Variants in CD2AP observed in about 807,000 individuals in gnomAD.
CD2AP encodes the protein CD2 associated protein.
CD2AP carries 46 observed loss-of-function variants against 85.1 expected under a neutral mutation model. The observed-to-expected ratio is 0.54, with a 90% CI of 0.43 to 0.69. CD2AP has a LOEUF of 0.69. Ranked by LOEUF, CD2AP falls within the 30% of genes least tolerant of loss-of-function variation. The pLI is 0.00. For synonymous variants in CD2AP, 255 were observed against 252.9 expected (o/e 1.01, Z -0.08); for missense variants, 769 against 729.5 (o/e 1.05, Z -0.62).
intron 5 of CD2AP, among the ~76,000 whole-genome samples, chr6:47,567,228 C>T (rs750716552): frequency 6.6e-6 from 1 of 151,902 alleles, no homozygotes; most frequent in Non-Finnish European, 1.5e-5. Flanking sequence ...TTTTCATGTA[C>T]GTTCAGCTCT....
In CD2AP at chr6:47,574,091, C is replaced by T. The variant is rs774852008; in HGVS notation, c.569C>T (p.Pro190Leu). 2 of 1,614,030 alleles carry T rather than the reference C, an allele frequency of 1.2e-6. No individual in the cohort carries two copies. The highest frequency in any genetic ancestry group is 1.7e-6 in the Non-Finnish European group (2 of 1,179,948). ...ACTGTTTTGGCTGGGCCTACTTCAC[C>T]TATACCTTCTCTGGGAAATGTGAGT... is the stretch of plus-strand genomic sequence containing the variant. Reference protein sequence around the residue: ...SETVLAGPTSPIPSLGNVSET... With the variant: ...SETVLAGPTSLIPSLGNVSET... The change falls in exon 6 of 18, where the codon CCT (proline) becomes CTT (leucine). Residue 190 changes from proline (P) to leucine (L), a missense_variant. Pro to Leu is a moderately conservative substitution (Grantham distance 98, BLOSUM62 -3). Coordinates refer to ENST00000359314, the MANE Select transcript of CD2AP (RefSeq NM_012120.3).
chr6:47,556,948 A>G (rs1562030615), intron 5 of CD2AP, among the ~76,000 whole-genome samples: 1 of 152,178 alleles, frequency 6.6e-6, no homozygotes, highest in Non-Finnish European at 1.5e-5. Context: ...TGAACAGTGT[A>G]CAGGTGTTCC....
intron 1 of CD2AP, among the ~76,000 whole-genome samples, chr6:47,488,204 C>T (rs763610831): frequency 5.3e-5 from 8 of 152,018 alleles, no homozygotes; most frequent in Admixed American, 6.6e-5. Context: ...CAGAGAGAGA[C>T]ATTTCTGTAT....
At chr6:47,621,400 A>G (rs568030731) in intron 17 of CD2AP, among the ~76,000 whole-genome samples, 4 of 152,270 alleles carry the variant, frequency 2.6e-5, no homozygotes, top group South Asian at 2.1e-4. Flanking sequence ...AACCCACTTG[A>G]TCATGGTGGA....
At position 47,589,054 on chromosome 6, in the gene CD2AP, A is replaced by G. The variant is rs182722763; in HGVS notation, c.1109-6807A>G. Among the ~76,000 whole-genome samples, 3 of 152,198 alleles carry G rather than the reference A, an allele frequency of 2.0e-5. No homozygotes were observed. The East Asian group carries it at 5.8e-4, about 29-fold the overall frequency. Reference sequence around the variant, plus strand: ...TCATAAGGAATGCAATTTAGGTTCTACTTTGACATCTTGTTGACTAATGAG... The same window carrying G: ...TCATAAGGAATGCAATTTAGGTTCTGCTTTGACATCTTGTTGACTAATGAG... On this transcript the variant is annotated intron_variant, in intron 11 of 17. Coordinates refer to ENST00000359314, the MANE Select transcript of CD2AP (RefSeq NM_012120.3).
chr6:47,610,971 A>ATATATATTTTT, intron 16 of CD2AP, among the ~76,000 whole-genome samples: 2 of 112,908 alleles, frequency 1.8e-5, no homozygotes, highest in African/African-American at 7.2e-5. Flanking sequence ...ATATATATGT[A>ATATATATTTTT]TTTTTTTTTT....
At chr6:47,529,206 A>T (rs1325098114) in intron 2 of CD2AP, among the ~76,000 whole-genome samples, 2 of 92,458 alleles carry the variant, frequency 2.2e-5, no homozygotes, top group Admixed American at 1.7e-4. Context: ...CCCCCAACTT[A>T]TTGCACTATG....
At chr6:47,616,082 C>CTTTTTTTT (rs562350159) in intron 17 of CD2AP, among the ~76,000 whole-genome samples, 1,816 of 63,686 alleles carry the variant, frequency 0.029, 233 homozygotes, top group Non-Finnish European at 0.034. Flanking sequence ...TGCGCCTGGC[C>CTTTTTTTT]TTTTTTTTTT....
At chr6:47,484,841 A>T (rs1765527672) in intron 1 of CD2AP, among the ~76,000 whole-genome samples, 1 of 152,164 alleles carries the variant, frequency 6.6e-6, no homozygotes, top group Non-Finnish European at 1.5e-5. Context: ...GACTGTAATC[A>T]TTAGGGGTTT....
intron 17 of CD2AP, among the ~76,000 whole-genome samples, 179 bp from the exon 18 acceptor site, chr6:47,624,007 A>G (rs1431620677): frequency 2.0e-5 from 3 of 152,114 alleles, no homozygotes; most frequent in African/African-American, 7.2e-5. Context: ...CCATTTAGGA[A>G]CTTGCATTGT....
chr6:47,617,486 A>G (rs1769622913), intron 17 of CD2AP, among the ~76,000 whole-genome samples: 1 of 152,130 alleles, frequency 6.6e-6, no homozygotes, highest in Admixed American at 6.5e-5. Context: ...TAGATTTAGC[A>G]TGTCCCCAGT....
At chr6:47,599,807 A>G (rs1272168912) in intron 13 of CD2AP, among the ~76,000 whole-genome samples, 3 of 152,032 alleles carry the variant, frequency 2.0e-5, no homozygotes, top group African/African-American at 7.2e-5. Flanking sequence ...TTTCAGTGCC[A>G]GCATTAGATT....
intron 2 of CD2AP, among the ~76,000 whole-genome samples, chr6:47,524,125 T>C (rs562152280): frequency 6.6e-6 from 1 of 152,336 alleles, no homozygotes; most frequent in East Asian, 1.9e-4. Flanking sequence ...ATGTTTGCCT[T>C]GGACTTAATC....
At chr6:47,489,079 G>A (rs1210962547) in intron 1 of CD2AP, 18 of 151,678 alleles carry the variant, frequency 1.2e-4, no homozygotes, top group Admixed American at 1.2e-3. Context: ...TTGGTCCTCA[G>A]GTAGTGAGTT....
chr6:47,560,122 A>T (rs1767813833), intron 5 of CD2AP, among the ~76,000 whole-genome samples: 1 of 152,110 alleles, frequency 6.6e-6, no homozygotes, highest in South Asian at 2.1e-4. Flanking sequence ...AAATTATAAA[A>T]ATAAAACAAA....
chr6:47,547,608 TAGAC>T (rs1009996605), intron 4 of CD2AP, among the ~76,000 whole-genome samples: 3 of 152,190 alleles, frequency 2.0e-5, no homozygotes, highest in African/African-American at 7.2e-5. Flanking sequence ...CTGACAGCAT[TAGAC>T]AGGTCATCAA....
intron 15 of CD2AP, among the ~76,000 whole-genome samples, chr6:47,608,789 A>G (rs900551844): frequency 6.2e-4 from 94 of 152,192 alleles, no homozygotes; most frequent in African/African-American, 2.2e-3. Flanking sequence ...AGTATTGAAT[A>G]TGAAAGATCA....
At chr6:47,574,908 C>G (rs947454159) in intron 6 of CD2AP, among the ~76,000 whole-genome samples, 1 of 152,106 alleles carries the variant, frequency 6.6e-6, no homozygotes, top group Non-Finnish European at 1.5e-5. Context: ...ACAGTTCCTT[C>G]TATCAGTCCT....
At chr6:47,596,114 G>GT in intron 12 of CD2AP, 88 bp downstream of exon 12, 3 of 934,832 alleles carry the variant, frequency 3.2e-6, no homozygotes, top group Non-Finnish European at 3.5e-6. Context: ...CTCCAGGTAT[G>GT]TTTTTTCTTA....
Sources: allele counts gnomAD v4.1 joint callset (sites outside exome capture counted in the v4.1 genomes callset), GRCh38; gene constraint gnomAD v4.1.1; transcripts MANE v1.5; gene names NCBI Gene and HGNC (gene_info 2026-07-23, HGNC 2026-07-21).